The following PRKCB variants were observed in gnomAD, a reference collection of about 807,000 sequenced individuals.
PRKCB encodes the protein protein kinase C beta type.
Under a neutral mutation model 81.5 loss-of-function variants are expected in PRKCB, and 13 were observed. The ratio of observed to expected loss-of-function variants is 0.16; its 90% CI spans 0.10 to 0.25. PRKCB has a LOEUF of 0.25. Among genes scored for constraint, PRKCB ranks in the 10% least tolerant of loss-of-function variants. The pLI is 1.00. For synonymous variants in PRKCB, 335 were observed against 321.4 expected, an observed-to-expected ratio of 1.04 and a Z score of -0.45; for missense variants, 509 against 875.7, an observed-to-expected ratio of 0.58 and a Z score of 5.29.
At chr16:23,912,197 C>T (rs912012772) in intron 2 of PRKCB, among the ~76,000 whole-genome samples, 1 of 152,086 alleles carries the variant, frequency 6.6e-6, no homozygotes, top group African/African-American at 2.4e-5. Flanking sequence ...TTAGAATCTA[C>T]CGTTTAACCC....
At chr16:23,928,561 A>G (rs992984421) in intron 2 of PRKCB, among the ~76,000 whole-genome samples, 2 of 152,128 alleles carry the variant, frequency 1.3e-5, no homozygotes, top group African/African-American at 4.8e-5. Flanking sequence ...CTGTCAGTGA[A>G]CATCCATCAC....
At chr16:23,868,096 C>T (rs1001647796) in intron 2 of PRKCB, among the ~76,000 whole-genome samples, 1 of 152,144 alleles carries the variant, frequency 6.6e-6, no homozygotes, top group Non-Finnish European at 1.5e-5. Flanking sequence ...CTGACCTATC[C>T]TTGTGAACTG....
intron 2 of PRKCB, among the ~76,000 whole-genome samples, chr16:23,876,365 C>T (rs755236606): frequency 2.0e-5 from 3 of 152,156 alleles, no homozygotes; most frequent in Admixed American, 6.5e-5. Context: ...GCATATTTTC[C>T]GTCATTCCCA....
At chr16:23,972,275 A>G (rs560766639) in intron 2 of PRKCB, among the ~76,000 whole-genome samples, 3 of 152,110 alleles carry the variant, frequency 2.0e-5, no homozygotes, top group South Asian at 4.2e-4. Flanking sequence ...GTACAGGGAA[A>G]CTTTTTAGGT....
At chr16:24,192,149 A>G (rs552987146) in intron 16 of PRKCB, among the ~76,000 whole-genome samples, 2 of 152,334 alleles carry the variant, frequency 1.3e-5, no homozygotes, top group East Asian at 1.9e-4. Context: ...TGATACTAGT[A>G]TTGTTATTCA....
At chr16:23,916,260 T>C (rs1441194636) in intron 2 of PRKCB, among the ~76,000 whole-genome samples, 1 of 147,334 alleles carries the variant, frequency 6.8e-6, no homozygotes, top group Non-Finnish European at 1.5e-5. Context: ...GGTCTTACTA[T>C]GTAGCCCAGG....
intron 7 of PRKCB, among the ~76,000 whole-genome samples, chr16:24,108,999 C>G (rs533881477): frequency 6.9e-6 from 1 of 144,800 alleles, no homozygotes; most frequent in African/African-American, 2.6e-5. Context: ...CCCCACCTCC[C>G]TCCCGGACGG....
intron 2 of PRKCB, among the ~76,000 whole-genome samples, chr16:23,945,159 T>C (rs1964187683): frequency 6.6e-6 from 1 of 152,164 alleles, no homozygotes; most frequent in African/African-American, 2.4e-5. Context: ...TTCATTTCAA[T>C]GATCAAAGTT....
intron 9 of PRKCB, among the ~76,000 whole-genome samples, chr16:24,149,867 A>G (rs1967051309): frequency 6.6e-6 from 1 of 152,246 alleles, no homozygotes; most frequent in South Asian, 2.1e-4. Context: ...TAATATAAAT[A>G]AAAATAACTT....
chr16:23,909,893 A>G (rs1293832375), intron 2 of PRKCB, among the ~76,000 whole-genome samples: 1 of 152,142 alleles, frequency 6.6e-6, no homozygotes, highest in Non-Finnish European at 1.5e-5. Flanking sequence ...GAAAGTCTCC[A>G]TGATCTGATC....
chr16:23,850,300 T>C (rs1364978082), intron 2 of PRKCB, among the ~76,000 whole-genome samples: 1 of 152,230 alleles, frequency 6.6e-6, no homozygotes, highest in Non-Finnish European at 1.5e-5. Context: ...ACATATTCTT[T>C]GACATATTGA....
chr16:24,019,694 GT>G (rs1965333736), intron 3 of PRKCB, among the ~76,000 whole-genome samples: 1 of 151,822 alleles, frequency 6.6e-6, no homozygotes, highest in African/African-American at 2.4e-5. Context: ...AACCTGGGAG[GT>G]TGAGGCTGCA....
chr16:24,097,117 A>C (rs1288191390), intron 7 of PRKCB, among the ~76,000 whole-genome samples: 2 of 141,690 alleles, frequency 1.4e-5, no homozygotes, highest in Non-Finnish European at 3.0e-5. Flanking sequence ...GCTCACTGCA[A>C]CCTCTGCCTC....
At chr16:24,101,276 G>C (rs1432623938) in intron 7 of PRKCB, among the ~76,000 whole-genome samples, 1 of 152,218 alleles carries the variant, frequency 6.6e-6, no homozygotes, top group African/African-American at 2.4e-5. Flanking sequence ...GCCAGGTGTG[G>C]TGGCTCATAT....
At chr16:24,045,244 G>T (rs982125856) in intron 5 of PRKCB, among the ~76,000 whole-genome samples, 35 of 152,152 alleles carry the variant, frequency 2.3e-4, no homozygotes, top group African/African-American at 2.4e-5. Context: ...CTTGAGGAGG[G>T]TTGTTGGGTG....
At chr16:23,871,278 G>A (rs1202979312) in intron 2 of PRKCB, among the ~76,000 whole-genome samples, 1 of 152,200 alleles carries the variant, frequency 6.6e-6, no homozygotes, top group African/African-American at 2.4e-5. Context: ...CAGCCTGTCA[G>A]TTATATGAGC....
At chr16:23,981,897 C>A (rs1596497100) in intron 2 of PRKCB, among the ~76,000 whole-genome samples, 1 of 33,888 alleles carries the variant, frequency 3.0e-5, no homozygotes. Context: ...CCCTCCCCTT[C>A]CCCTTCCCTT....
chr16:24,116,829 G>A (rs558920638), intron 8 of PRKCB, among the ~76,000 whole-genome samples: 1 of 152,280 alleles, frequency 6.6e-6, no homozygotes, highest in African/African-American at 2.4e-5. Context: ...GTATTTTCTT[G>A]TATATAACCA....
At chr16:24,036,859 G>C (rs78531109) in intron 5 of PRKCB, among the ~76,000 whole-genome samples, 4,471 of 152,212 alleles carry the variant, frequency 0.029, 168 homozygotes, top group African/African-American at 0.085. Flanking sequence ...CTTCCCTCTG[G>C]TGTCATTCTG....
Sources: gnomAD v4.1 joint callset for allele counts (sites outside exome capture counted in the v4.1 genomes callset) on GRCh38, gnomAD v4.1.1 for gene constraint, MANE v1.5 for transcripts, NCBI Gene and HGNC (gene_info 2026-07-23, HGNC 2026-07-21) for gene names.